Variants in RPL23 observed in about 807,000 individuals in gnomAD.
RPL23 encodes the protein large ribosomal subunit protein uL14.
For missense variants in RPL23, 79 were observed against 178.8 expected (o/e 0.44, Z 3.18); for synonymous variants, 63 against 65.3 (o/e 0.97, Z 0.17).
In RPL23 at chr17:38,847,867, TAAATA is replaced by T; in HGVS notation, c.*2260_*2264del. On this transcript the variant is annotated 3_prime_UTR_variant, in exon 5 of 5. Coordinates refer to ENST00000479035, the MANE Select transcript of RPL23 (RefSeq NM_000978.4). ...ACAAAGGAAAACATTTAGTGAAGTG[TAAATA>T]TAAAGTTTTTTAATCCAAGTCAAAA... 1 of 1,458,828 alleles carries T rather than the reference TAAATA, an allele frequency of 6.9e-7. No homozygotes were observed. The highest frequency in any genetic ancestry group is 1.4e-5 in the African/African-American group (1 of 69,858). 90.4% of individuals were successfully genotyped at this position (1,458,828 alleles called of 1,614,324 possible).
At chr17:38,852,403 CAAAA>C (rs1913028894) in intron 3 of RPL23, 197 bp downstream of exon 3, 2 of 606,558 alleles carry the variant, frequency 3.3e-6, no homozygotes, top group African/African-American at 1.9e-5. Flanking sequence ...AAAACAACAA[CAAAA>C]AAACAACTAA....
At chr17:38,853,201 A>G in intron 1 of RPL23, 96 bp from the exon 2 acceptor site, 1 of 911,326 alleles carries the variant, frequency 1.1e-6, no homozygotes, top group South Asian at 1.4e-5. Context: ...TTCACCGCAC[A>G]TGCTTTGATA....
At position 38,853,714 on chromosome 17, in the gene RPL23, G is replaced by A. The variant is rs1176926829; in HGVS notation, c.-4C>T. On this transcript the variant is annotated 5_prime_UTR_variant, in exon 1 of 5. Coordinates refer to ENST00000479035, the MANE Select transcript of RPL23 (RefSeq NM_000978.4). The stretch of plus-strand genomic sequence containing the variant: ...AAACCTCACCTCGCTTCGACATCTT[G>A]AACGCCGGAAAAAAGAAAAAAGGAA... 1.9e-6 allele frequency: 3 copies of A among 1,614,028 alleles called. No homozygotes were observed. Among genetic ancestry groups the A allele is most frequent in the African/African-American group, 2.7e-5 (2 of 75,040 alleles).
At chr17:38,853,288 A>G in intron 1 of RPL23, 183 bp from the exon 2 acceptor site, 1 of 653,954 alleles carries the variant, frequency 1.5e-6, no homozygotes, top group East Asian at 2.7e-5. Flanking sequence ...CACGGAAAGT[A>G]GCCTATTTCT....
chr17:38,850,531 C>G (rs936511742), intron 3 of RPL23, 56 bp from the exon 4 acceptor site: 3 of 1,184,150 alleles, frequency 2.5e-6, no homozygotes, highest in Non-Finnish European at 3.8e-6. Flanking sequence ...AGTGCCACCA[C>G]AAAAGCAGTT....
At position 38,850,108 on chromosome 17, in the gene RPL23, ATT is replaced by A; in HGVS notation, c.*22_*23del. On this transcript the variant is annotated 3_prime_UTR_variant, in exon 5 of 5. Coordinates refer to ENST00000479035, the MANE Select transcript of RPL23 (RefSeq NM_000978.4). ...TTTAATGGGTTTAGTTTTTTTTTTT[ATT>A]TTTTACAAATATACTGGAGAATCAT... The A allele has an allele frequency of 7.0e-7, 1 of 1,433,852 alleles. No individual in the cohort carries two copies. Among genetic ancestry groups the A allele is most frequent in the Non-Finnish European group, 9.5e-7 (1 of 1,057,906 alleles). The allele number at this position is 1,433,852 out of a possible 1,614,324, so 88.8% of individuals were successfully genotyped here.
rs1464752180 is a variant in RPL23, at chr17:38,848,513, G to GTGAGC, written c.*1614_*1618dup. On this transcript the variant is annotated 3_prime_UTR_variant, in exon 5 of 5. Transcript: ENST00000479035. ...CTCCCAAAGTGCTGGGATTATAGGT[G>GTGAGC]TGAGCCACCGTACCCAGGCGAGATT... is the stretch of plus-strand genomic sequence containing the variant. The GTGAGC allele has an allele frequency of 2.6e-5, 4 of 153,738 alleles. No individual in the cohort carries two copies. Among genetic ancestry groups the GTGAGC allele is most frequent in the Non-Finnish European group, 4.3e-5 (3 of 69,056 alleles). 9.5% of individuals were successfully genotyped at this position (153,738 alleles called of 1,614,324 possible). A position where few individuals can be genotyped will look rare whatever the true frequency, so the allele number is the denominator to read the frequency against.
Position 38,852,658 on chromosome 17 carries a change from C to T in RPL23, c.172G>A (p.Gly58Ser). ...RLNRLPAAGV[G>S]DMVMATVKKG... ...TTGACTGTGGCCATCACCATGTCACCCACACCAGCAGCGGGAAGTCTGTTC... is the reference window on the plus strand; with the variant it reads ...TTGACTGTGGCCATCACCATGTCACTCACACCAGCAGCGGGAAGTCTGTTC... Residue 58 changes from glycine (G) to serine (S), a missense_variant, in exon 3 of 5, where the codon GGT becomes AGT. Physicochemically the swap from Gly to Ser is moderately conservative, Grantham distance 56. Coordinates refer to ENST00000479035, the MANE Select transcript of RPL23 (RefSeq NM_000978.4). The T allele has an allele frequency of 6.2e-7, 1 of 1,613,358 alleles. No individual in the cohort carries two copies. The highest frequency in any genetic ancestry group is 8.5e-7 in the Non-Finnish European group (1 of 1,180,022).
chr17:38,853,113 T>C lies in RPL23; in HGVS notation c.14-8A>G, dbSNP rs773238508. 2.5e-6 allele frequency: 4 copies of C among 1,608,934 alleles called. No individual in the cohort carries two copies. The highest frequency in any genetic ancestry group is 3.4e-6 in the Non-Finnish European group (4 of 1,175,320). Reference sequence around the variant, plus strand: ...CAGAGGACCCACCACGTCCTGTGGATATAAAGGGAAGGGAAACAGGATAAA... The same window carrying C: ...CAGAGGACCCACCACGTCCTGTGGACATAAAGGGAAGGGAAACAGGATAAA... On this transcript the variant is annotated splice_region_variant and splice_polypyrimidine_tract_variant and intron_variant, in intron 1 of 4. Coordinates refer to ENST00000479035, the MANE Select transcript of RPL23 (RefSeq NM_000978.4).
chr17:38,850,308 AGAC>A (rs1288017736), intron 4 of RPL23, 51 bp downstream of exon 4: 5 of 1,569,372 alleles, frequency 3.2e-6, no homozygotes, highest in Non-Finnish European at 3.5e-6. Context: ...CTGTACTTCT[AGAC>A]AATCCACCCA....
chr17:38,848,175 A>C lies in RPL23; in HGVS notation c.*1957T>G, dbSNP rs1912909735. 1 of 1,167,950 alleles carries C rather than the reference A, an allele frequency of 8.6e-7. No individual in the cohort carries two copies. Among genetic ancestry groups the C allele is most frequent in the Admixed American group, 3.8e-5 (1 of 26,490 alleles). The allele number at this position is 1,167,950 out of a possible 1,614,324, so 72.3% of individuals were successfully genotyped here. A position where few individuals can be genotyped will look rare whatever the true frequency, so the allele number is the denominator to read the frequency against. On this transcript the variant is annotated 3_prime_UTR_variant, in exon 5 of 5. Coordinates refer to ENST00000479035, the MANE Select transcript of RPL23 (RefSeq NM_000978.4). ...GTGGGCCTAGGGGCTTGTCACACTA[A>C]AGCTGACTTGAAATTGACCATACTC...
rs1912954095 is a variant in RPL23 at position 38,849,961 on chromosome 17, T to G, written c.*171A>C. On this transcript the variant is annotated 3_prime_UTR_variant, in exon 5 of 5. Transcript: ENST00000479035. ...GGTGAAACCCTGTCTCCACCAAAAATACAAAAACTAGCCAGGCATGACGGC... is the reference window on the plus strand; with the variant it reads ...GGTGAAACCCTGTCTCCACCAAAAAGACAAAAACTAGCCAGGCATGACGGC... 1 of 533,308 alleles carries G rather than the reference T, an allele frequency of 1.9e-6. No homozygotes were observed. The highest frequency in any genetic ancestry group is 2.7e-5 in the South Asian group (1 of 37,602). 33.0% of individuals were successfully genotyped at this position (533,308 alleles called of 1,614,324 possible).
intron 3 of RPL23, chr17:38,851,759 A>G (rs1913009782): frequency 6.6e-6 from 1 of 152,244 alleles, no homozygotes; most frequent in Non-Finnish European, 1.5e-5. Context: ...CAAAGGCTAA[A>G]AATCTACTGG....
chr17:38,852,260 GT>G (rs1347492013), intron 3 of RPL23: 1 of 199,980 alleles, frequency 5.0e-6, no homozygotes, highest in African/African-American at 2.4e-5. Flanking sequence ...GCTTGTTTTC[GT>G]TTTGTAATAT....
rs1913034954 is a variant in RPL23 at position 38,852,587 on chromosome 17, G to A, written c.226+17C>T. 6.2e-7 allele frequency: 1 copy of A among 1,611,982 alleles called. No homozygotes were observed. Among genetic ancestry groups the A allele is most frequent in the Non-Finnish European group, 8.5e-7 (1 of 1,179,948 alleles). ...CCACTACTCATCAGTATTAAGGTGG[G>A]CTCAGTGTTTACTCACCCTTTTTTC... On this transcript the variant is annotated intron_variant, in intron 3 of 4. Transcript: ENST00000479035.
At position 38,850,448 on chromosome 17, in the gene RPL23, C is replaced by T. The variant is rs1026714475; in HGVS notation, c.254G>A (p.Arg85Gln). 8 of 1,613,894 alleles carry T rather than the reference C, an allele frequency of 5.0e-6. No homozygotes were observed. Among genetic ancestry groups the T allele is most frequent in the South Asian group, 1.1e-5 (1 of 91,066 alleles). Residue 85 changes from arginine to glutamine, a missense_variant, in exon 4 of 5, where the codon CGA becomes CAA. Transcript: ENST00000479035. Reference sequence around the variant, plus strand: ...GCCATCTTTTCTACGGTATGACTTTCGTTGTCGAATGACCACTGCTGGATG... The same window carrying T: ...GCCATCTTTTCTACGGTATGACTTTTGTTGTCGAATGACCACTGCTGGATG... ...KVHPAVVIRQRKSYRRKDGVF... is the reference protein window; with the variant it reads ...KVHPAVVIRQQKSYRRKDGVF...
chr17:38,849,156 A>G lies in RPL23; in HGVS notation c.*976T>C, dbSNP rs1222219656. 1 of 152,230 alleles carries G rather than the reference A, an allele frequency of 6.6e-6. No individual in the cohort carries two copies. Among genetic ancestry groups the G allele is most frequent in the Non-Finnish European group, 1.5e-5 (1 of 68,048 alleles). The allele number at this position is 152,230 out of a possible 1,614,324, so 9.4% of individuals were successfully genotyped here. ...TTTTCATAGCAAAATACCTGTAGGT[A>G]CCATCAACTTAATCATCTTCCACTA... On this transcript the variant is annotated 3_prime_UTR_variant, in exon 5 of 5. Transcript: ENST00000479035.
chr17:38,850,275 G>C (rs955033695), intron 4 of RPL23, 61 bp from the exon 5 acceptor site: 3 of 1,550,480 alleles, frequency 1.9e-6, no homozygotes, highest in African/African-American at 1.4e-5. Context: ...TTAAGACATC[G>C]TCAAACACAG....
intron 1 of RPL23, chr17:38,853,485 G>A: frequency 1.4e-6 from 1 of 724,618 alleles, no homozygotes; most frequent in African/African-American, 1.7e-5. Context: ...GCGGTATCCA[G>A]ACTACATTCA....
Sources: gnomAD v4.1 joint callset for allele counts on GRCh38, gnomAD v4.1.1 for gene constraint, MANE v1.5 for transcripts, NCBI Gene and HGNC (gene_info 2026-07-23, HGNC 2026-07-21) for gene names.